GRIP1: variants seen among roughly 807,000 people sequenced by gnomAD.
GRIP1 encodes the protein glutamate receptor interacting protein 1.
In GRIP1, 45 loss-of-function variants were observed where a neutral mutation model predicts 129.9. The ratio of observed to expected loss-of-function variants is 0.35; its 90% CI spans 0.27 to 0.44. The LOEUF is 0.44. Ranked by LOEUF, GRIP1 falls within the 20% of genes least tolerant of loss-of-function variation. The probability of loss-of-function intolerance (pLI) is 1.00; values close to 1 mark genes in which losing one functional copy is unlikely to be tolerated. For synonymous variants in GRIP1, 530 were observed against 520.8 expected (o/e 1.02, Z -0.24); for missense variants, 1,196 against 1,396.8 (o/e 0.86, Z 2.29).
chr12:66,764,325 G>A (rs558262302), intron 1 of GRIP1, among the ~76,000 whole-genome samples: 55 of 152,302 alleles, frequency 3.6e-4, no homozygotes, highest in African/African-American at 1.3e-3. Context: ...TTAATTAATA[G>A]TCTTAATGTG....
At chr12:66,379,104 G>A (rs1362139553) in intron 20 of GRIP1, among the ~76,000 whole-genome samples, 176 bp downstream of exon 20, 3 of 152,268 alleles carry the variant, frequency 2.0e-5, no homozygotes, top group Non-Finnish European at 4.4e-5. Flanking sequence ...GTGGTGCCCA[G>A]GTTGCCACTG....
chr12:66,744,531 G>A (rs925981187), intron 1 of GRIP1, among the ~76,000 whole-genome samples: 2 of 152,024 alleles, frequency 1.3e-5, no homozygotes, highest in African/African-American at 2.4e-5. Context: ...CATTCTGACC[G>A]CCAAGATTTG....
chr12:66,515,847 T>C, intron 6 of GRIP1, 83 bp from the exon 7 acceptor site: 1 of 1,084,508 alleles, frequency 9.2e-7, no homozygotes, highest in Non-Finnish European at 1.4e-6. Context: ...CAAATTCGTT[T>C]TGTCACACAT....
In GRIP1 at chr12:67,014,191, G is replaced by A. The variant is rs141950037; in HGVS notation, c.58+54859C>T. ...AATAAAACGCTTCTACTATTTATAT[G>A]AGTTTGTATTAGATTTTATATTAGC... On this transcript the variant is annotated intron_variant, in intron 1 of 1. Coordinates refer to the GRIP1 transcript ENST00000643019. 3.3e-3 allele frequency among the ~76,000 whole-genome samples: 506 copies of A among 152,280 alleles called. 8 individuals are homozygous for A. The highest frequency in any genetic ancestry group is 0.012 in the African/African-American group (485 of 41,554).
intron 1 of GRIP1, among the ~76,000 whole-genome samples, chr12:66,794,189 T>G (rs1566025598): frequency 6.6e-6 from 1 of 152,174 alleles, no homozygotes; most frequent in Non-Finnish European, 1.5e-5. Flanking sequence ...AAACTAAGAT[T>G]CTTACAGCCA....
At chr12:66,912,118 A>G (rs1034609301) in intron 1 of GRIP1, among the ~76,000 whole-genome samples, 4 of 152,194 alleles carry the variant, frequency 2.6e-5, no homozygotes, top group African/African-American at 9.7e-5. Context: ...AGTTTAAATA[A>G]TATTCCAAAA....
chr12:67,043,776 T>C (rs2043213497), intron 1 of GRIP1, among the ~76,000 whole-genome samples: 1 of 152,230 alleles, frequency 6.6e-6, no homozygotes, highest in South Asian at 2.1e-4. Context: ...TACTATAAGC[T>C]ACTGCACATT....
intron 1 of GRIP1, among the ~76,000 whole-genome samples, chr12:66,738,562 A>G (rs1158672137): frequency 6.6e-6 from 1 of 152,014 alleles, no homozygotes; most frequent in Non-Finnish European, 1.5e-5. Context: ...ATATGAAACC[A>G]TCAGAGGATT....
chr12:66,619,632 T>C (rs1336684273), intron 1 of GRIP1, among the ~76,000 whole-genome samples: 3 of 152,124 alleles, frequency 2.0e-5, no homozygotes, highest in Non-Finnish European at 4.4e-5. Context: ...GGTTACACAA[T>C]GGCCAATTTA....
chr12:66,934,762 C>T (rs1224713594), intron 1 of GRIP1, among the ~76,000 whole-genome samples: 3 of 152,138 alleles, frequency 2.0e-5, no homozygotes, highest in Non-Finnish European at 4.4e-5. Context: ...CAAGTAAGTG[C>T]TTGTTTAAAC....
At chr12:66,897,447 T>C (rs141078192) in intron 1 of GRIP1, among the ~76,000 whole-genome samples, 342 of 152,316 alleles carry the variant, frequency 2.2e-3, no homozygotes, top group Non-Finnish European at 4.2e-3. Context: ...CAACTGCACA[T>C]GCTATAATAC....
intron 7 of GRIP1, among the ~76,000 whole-genome samples, chr12:66,471,718 T>A (rs1203382766): frequency 1.3e-5 from 2 of 152,232 alleles, no homozygotes; most frequent in African/African-American, 4.8e-5. Context: ...GGCTTTTATA[T>A]ACAGATGGTG....
intron 1 of GRIP1, among the ~76,000 whole-genome samples, chr12:66,926,162 C>G (rs1275860157): frequency 9.0e-6 from 1 of 111,558 alleles, no homozygotes. Context: ...CATTACCCCA[C>G]AAAGTCACTG....
Position 66,461,155 on chromosome 12 carries a change from C to T in GRIP1, c.1042+1769G>A, listed in dbSNP as rs558245446. Reference sequence around the variant, plus strand: ...ATAAATTAAACTCAAATTGCCTTGGCAGGTTAAAAAATTTAATATTCCATG... The same window carrying T: ...ATAAATTAAACTCAAATTGCCTTGGTAGGTTAAAAAATTTAATATTCCATG... On this transcript the variant is annotated intron_variant, in intron 9 of 24. Transcript: ENST00000359742. Among the ~76,000 whole-genome samples, 7 of 152,150 alleles carry T rather than the reference C, an allele frequency of 4.6e-5. No homozygotes were observed. The South Asian group carries it at 1.2e-3, about 27-fold the overall frequency.
At chr12:66,480,717 T>C (rs1255399817) in intron 7 of GRIP1, among the ~76,000 whole-genome samples, 3 of 152,158 alleles carry the variant, frequency 2.0e-5, no homozygotes, top group Non-Finnish European at 2.9e-5. Context: ...AACAGAGATA[T>C]AGACCAATGG....
chr12:66,400,948 G>T (rs1182484069), intron 16 of GRIP1, among the ~76,000 whole-genome samples: 1 of 151,986 alleles, frequency 6.6e-6, no homozygotes, highest in Non-Finnish European at 1.5e-5. Flanking sequence ...TTTTCAAGAG[G>T]ATTATTTGCA....
intron 2 of GRIP1, among the ~76,000 whole-genome samples, chr12:66,561,866 G>C (rs1010031856): frequency 1.3e-5 from 2 of 152,122 alleles, no homozygotes; most frequent in African/African-American, 4.8e-5. Context: ...GGCTGAGGTG[G>C]GAGGATTGCT....
At chr12:66,517,397 C>T (rs1565817948) in intron 6 of GRIP1, among the ~76,000 whole-genome samples, 1 of 151,888 alleles carries the variant, frequency 6.6e-6, no homozygotes, top group East Asian at 1.9e-4. Context: ...TACGGAAAGT[C>T]ACTTCCATTC....
chr12:66,574,790 T>TTTTTTCTTTTTTTTTTC (rs1555209656), intron 2 of GRIP1, among the ~76,000 whole-genome samples: 11 of 142,150 alleles, frequency 7.7e-5, no homozygotes, highest in Admixed American at 1.4e-4. Context: ...CACTTTTCTT[T>TTTTTTCTTTTTTTTTTC]TTTTTTTTTT....
Sources: allele counts gnomAD v4.1 joint callset (sites outside exome capture counted in the v4.1 genomes callset), GRCh38; gene constraint gnomAD v4.1.1; transcripts MANE v1.5; gene names NCBI Gene and HGNC (gene_info 2026-07-23, HGNC 2026-07-21).